UBXN6: variants seen among roughly 807,000 people sequenced by gnomAD.
UBXN6 encodes the protein UBX domain protein 6.
In UBXN6, 44 loss-of-function variants were observed where a neutral mutation model predicts 51.4. The observed-to-expected ratio is 0.86, with a 90% CI of 0.67 to 1.10. The LOEUF is 1.10. Ranked by LOEUF, UBXN6 falls within the 50% of genes least tolerant of loss-of-function variation. UBXN6 has a pLI of 0.00. For synonymous variants in UBXN6, 316 were observed against 263.2 expected (o/e 1.20, Z -1.94); for missense variants, 672 against 596.1 (o/e 1.13, Z -1.32).
Position 4,453,088 on chromosome 19 carries a change from G to A in UBXN6, c.312+370C>T, listed in dbSNP as rs377150021. Among the ~76,000 whole-genome samples the A allele has an allele frequency of 2.0e-4, 31 of 152,332 alleles. No homozygotes were observed. The South Asian group carries it at 5.0e-3, about 24-fold the overall frequency. ...GGGACAGGCTCTGAAACCACAGACT[G>A]GCTCTGGTCCTGCCTTTGCTGGTCC... On this transcript the variant is annotated intron_variant, in intron 3 of 10. Transcript: ENST00000301281.
rs778305826 is a variant in UBXN6 at position 4,446,578 on chromosome 19, G to C, written c.842C>G (p.Pro281Arg). The change falls in exon 8 of 11, where the codon CCC becomes CGC. Residue 281 changes from proline (P) to arginine (R), a missense_variant. Pro to Arg is a moderately radical substitution (Grantham distance 103). Transcript: ENST00000301281. ...DRQRRVFQPSPLASQFELPGD... is the reference protein window; with the variant it reads ...DRQRRVFQPSRLASQFELPGD... The stretch of plus-strand genomic sequence containing the variant: ...AGGCAGTTCGAACTGCGAGGCCAGG[G>C]GCGAGGGCTGGAAGACGCGGCGCTG... 5.0e-6 allele frequency: 8 copies of C among 1,612,596 alleles called. No individual in the cohort carries two copies. In the South Asian group the frequency reaches 5.5e-5, roughly 11 times the overall value.
chr19:4,453,065 G>C (rs906772573), intron 3 of UBXN6, among the ~76,000 whole-genome samples: 1 of 152,204 alleles, frequency 6.6e-6, no homozygotes, highest in African/African-American at 2.4e-5. Context: ...AGTGCTAGGG[G>C]ACAGGCTCTG....
At chr19:4,450,703 G>A (rs1974637213) in intron 4 of UBXN6, 2 of 134,476 alleles carry the variant, frequency 1.5e-5, no homozygotes, top group East Asian at 5.0e-4. Context: ...AGCTTGCAGT[G>A]AGCAGAGATG....
chr19:4,456,217 A>AC, intron 1 of UBXN6, among the ~76,000 whole-genome samples: 1 of 129,286 alleles, frequency 7.7e-6, no homozygotes, highest in South Asian at 2.6e-4. Context: ...TGGCCCCAGC[A>AC]CCCCCCACCC....
intron 1 of UBXN6, chr19:4,455,472 A>G (rs956621944): frequency 2.1e-5 from 4 of 193,942 alleles, no homozygotes; most frequent in African/African-American, 9.5e-5. Flanking sequence ...AGGGCACCTC[A>G]CCCCAACCAG....
chr19:4,445,496 T>A lies in UBXN6; in HGVS notation c.*2A>T, dbSNP rs1256626299. 3.1e-6 allele frequency: 5 copies of A among 1,613,694 alleles called. No individual in the cohort carries two copies. The East Asian group carries it at 8.9e-5, about 29-fold the overall frequency. ...AGGGCTGAGGCCAACCCTGCTTTTA[T>A]TTCACAAGAGCTTCTCGATGGCTGA... On this transcript the variant is annotated 3_prime_UTR_variant, in exon 11 of 11. Coordinates refer to ENST00000301281, the MANE Select transcript of UBXN6 (RefSeq NM_025241.3).
Position 4,453,956 on chromosome 19 carries a change from G to A in UBXN6, c.221C>T (p.Thr74Ile), listed in dbSNP as rs1465400010. The change falls in exon 2 of 11, where the codon ACA becomes ATA. Residue 74 changes from threonine to isoleucine, a missense_variant. Transcript: ENST00000301281. ...EQKQSRAWGP[T>I]SQDTIRNQVR... ...CTGGTTTCGGATGGTGTCCTGCGAT[G>A]TGGGGCCCCAGGCCCGGGACTGCTT... 6.2e-7 allele frequency: 1 copy of A among 1,611,064 alleles called. No individual in the cohort carries two copies. Among genetic ancestry groups the A allele is most frequent in the African/African-American group, 1.3e-5 (1 of 75,044 alleles).
In UBXN6 at chr19:4,457,667, C is replaced by A. The variant is rs1160220791; in HGVS notation, c.31G>T (p.Asp11Tyr). The change falls in exon 1 of 11, where the codon GAC becomes TAC. Residue 11 changes from aspartate (D) to tyrosine (Y), a missense_variant. By Grantham distance (160) the Asp-to-Tyr change is radical (BLOSUM62 -3). Coordinates refer to ENST00000301281, the MANE Select transcript of UBXN6 (RefSeq NM_025241.3). Reference sequence around the variant, plus strand: ...GGTCCCGCGCTCTTGAACTTGATGTCGGCCTTGAACTCCTGAAAGAATTTC... The same window carrying A: ...GGTCCCGCGCTCTTGAACTTGATGTAGGCCTTGAACTCCTGAAAGAATTTC... MKKFFQEFKA[D>Y]IKFKSAGPGQ... The A allele has an allele frequency of 1.3e-6, 2 of 1,599,458 alleles. No homozygotes were observed. Among genetic ancestry groups the A allele is most frequent in the Admixed American group, 1.7e-5 (1 of 59,186 alleles).
At chr19:4,457,528 G>A (rs1974756934) in intron 1 of UBXN6, 87 bp downstream of exon 1, 2 of 1,075,026 alleles carry the variant, frequency 1.9e-6, no homozygotes, top group African/African-American at 2.0e-5. Context: ...CATCCTCTCC[G>A]ATCTCCCGAG....
At position 4,447,523 on chromosome 19, in the gene UBXN6, G is replaced by A. The variant is rs763701564; in HGVS notation, c.615+27C>T. On this transcript the variant is annotated intron_variant, in intron 6 of 10. Coordinates refer to ENST00000301281, the MANE Select transcript of UBXN6 (RefSeq NM_025241.3). ...CCAGCTGCCCCCACCCCCAGCCTGG[G>A]CCCCGGGGGCCAGAAGGCACGCCCA... 9.9e-6 allele frequency: 16 copies of A among 1,612,102 alleles called. No individual in the cohort carries two copies. In the African/African-American group the frequency reaches 2.1e-4, roughly 22 times the overall value.
chr19:4,446,606 T>C lies in UBXN6; in HGVS notation c.814A>G (p.Arg272Gly). ...AAEPVRAKLD[R>G]QRRVFQPSPL... ...GAGGGCTGGAAGACGCGGCGCTGCC[T>C]GTCCAGCTTGGCGCGCACGGGCTCC... The change falls in exon 8 of 11, where the codon AGG (arginine) becomes GGG (glycine). Residue 272 changes from arginine to glycine, a missense_variant. Arg to Gly is a moderately radical substitution (Grantham distance 125, BLOSUM62 -2). Transcript: ENST00000301281. 1.2e-6 allele frequency: 2 copies of C among 1,612,726 alleles called. No individual in the cohort carries two copies. Among genetic ancestry groups the C allele is most frequent in the Non-Finnish European group, 1.7e-6 (2 of 1,179,882 alleles).
chr19:4,446,336 T>C lies in UBXN6; in HGVS notation c.998A>G (p.Lys333Arg). 6.4e-7 allele frequency: 1 copy of C among 1,572,104 alleles called. No homozygotes were observed. Among genetic ancestry groups the C allele is most frequent in the Non-Finnish European group, 8.6e-7 (1 of 1,165,098 alleles). The change falls in exon 9 of 11, where the codon AAG becomes AGG. Residue 333 changes from lysine to arginine, a missense_variant. Lys to Arg is a conservative substitution (Grantham distance 26). Transcript: ENST00000301281. ...REKEEQRGLR[K>R]YNYTLLRVRL... ...CACGCGCAGCAGCGTGTAGTTGTAC[T>C]TGCGCAGCCCCCGCTGCTCCTCCTT...
rs760652207 is a variant in UBXN6 at position 4,448,459 on chromosome 19, G to A, written c.442-44C>T. On this transcript the variant is annotated intron_variant, in intron 4 of 10. Transcript: ENST00000301281. ...GGAAAGCCACTCACTGAGAGCCCGG[G>A]CCGCACGGCCCTCCGCTGCCCAGGT... The A allele has an allele frequency of 3.3e-6, 5 of 1,507,964 alleles. No homozygotes were observed. In the South Asian group the frequency reaches 4.7e-5, roughly 14 times the overall value. The allele number at this position is 1,507,964 out of a possible 1,614,324, so 93.4% of individuals were successfully genotyped here.
At chr19:4,448,463 C>G in intron 4 of UBXN6, 48 bp from the exon 5 acceptor site, 4 of 1,480,818 alleles carry the variant, frequency 2.7e-6, no homozygotes, top group Non-Finnish European at 3.7e-6. Context: ...GCCCGGGCCG[C>G]ACGGCCCTCC....
rs1267868769 is a variant in UBXN6, at chr19:4,448,353, C to G, written c.504G>C (p.Gln168His). The G allele has an allele frequency of 6.2e-7, 1 of 1,610,536 alleles. No homozygotes were observed. The highest frequency in any genetic ancestry group is 1.7e-5 in the Admixed American group (1 of 59,646). ...IMKIYTFNKDQDRVKLGVDTI... is the reference protein window; with the variant it reads ...IMKIYTFNKDHDRVKLGVDTI... The stretch of plus-strand genomic sequence containing the variant: ...TGTCCACACCCAGCTTCACCCGGTC[C>G]TGGTCTTTGTTGAACGTGTAGATCT... The change falls in exon 5 of 11, where the codon CAG becomes CAC. Residue 168 changes from glutamine to histidine, a missense_variant. Coordinates refer to ENST00000301281, the MANE Select transcript of UBXN6 (RefSeq NM_025241.3).
At position 4,457,768 on chromosome 19, in the gene UBXN6, G is replaced by C; in HGVS notation, c.-71C>G. The C allele has an allele frequency of 4.2e-6, 3 of 709,956 alleles. No homozygotes were observed. Among genetic ancestry groups the C allele is most frequent in the South Asian group, 3.4e-5 (1 of 29,784 alleles). The allele number at this position is 709,956 out of a possible 1,614,324, so 44.0% of individuals were successfully genotyped here. On this transcript the variant is annotated 5_prime_UTR_variant, in exon 1 of 11. Coordinates refer to ENST00000301281, the MANE Select transcript of UBXN6 (RefSeq NM_025241.3). ...ACGGGGCCCAGTCGGGGACGGGGCC[G>C]CCGGAGACCAGCCACCGGAAGAAAA...
At chr19:4,447,017 G>A in intron 6 of UBXN6, 97 bp from the exon 7 acceptor site, 1 of 1,257,578 alleles carries the variant, frequency 8.0e-7, no homozygotes, top group Non-Finnish European at 1.1e-6. Context: ...GCTATTGGGA[G>A]CAGCTGTCGA....
intron 4 of UBXN6, chr19:4,449,340 A>AC (rs1397527450): frequency 6.6e-6 from 1 of 151,000 alleles, no homozygotes; most frequent in East Asian, 2.0e-4. Flanking sequence ...TCCACCCACC[A>AC]CCCCCCACCC....
chr19:4,447,609 GGAT>G lies in UBXN6; in HGVS notation c.553_555del (p.Ile185del), dbSNP rs935810591. ...TACTTCTCCTCCTCGGGGTGCAGGT[GGAT>G]GTTGTCCAGGTACCTGGGGTAGGTG... On this transcript the variant is annotated inframe_deletion, in exon 6 of 11. Coordinates refer to ENST00000301281, the MANE Select transcript of UBXN6 (RefSeq NM_025241.3). 11 of 1,613,808 alleles carry G rather than the reference GGAT, an allele frequency of 6.8e-6. No individual in the cohort carries two copies. Among genetic ancestry groups the G allele is most frequent in the African/African-American group, 1.3e-5 (1 of 74,912 alleles).
Sources: gnomAD v4.1 joint callset for allele counts (sites outside exome capture counted in the v4.1 genomes callset) on GRCh38, gnomAD v4.1.1 for gene constraint, MANE v1.5 for transcripts, NCBI Gene and HGNC (gene_info 2026-07-23, HGNC 2026-07-21) for gene names.